Variants in SLC9C2 observed in about 807,000 individuals in gnomAD.
The protein encoded by SLC9C2 is sodium/hydrogen exchanger 11.
SLC9C2 carries 75 observed loss-of-function variants against 140.2 expected under a neutral mutation model. That is an observed-to-expected ratio of 0.53 (90% CI 0.44 to 0.65). The LOEUF is 0.65. SLC9C2 is among the 30% of genes least tolerant of loss of function. The probability of loss-of-function intolerance (pLI) is 0.00; values close to 1 mark genes in which losing one functional copy is unlikely to be tolerated. For missense variants in SLC9C2, 1,074 were observed against 1,331.8 expected (o/e 0.81, Z 3.01); for synonymous variants, 375 against 420.9 (o/e 0.89, Z 1.34).
intron 9 of SLC9C2, among the ~76,000 whole-genome samples, chr1:173,565,657 G>GA: frequency 6.6e-6 from 1 of 151,736 alleles, no homozygotes; most frequent in East Asian, 1.9e-4. Flanking sequence ...CTCCACTTTT[G>GA]TTTTTTTTGC....
chr1:173,600,911 C>G (rs1280860234), intron 2 of SLC9C2, among the ~76,000 whole-genome samples: 1 of 152,138 alleles, frequency 6.6e-6, no homozygotes, highest in African/African-American at 2.4e-5. Flanking sequence ...TATAGTATTC[C>G]TAGTTCCAGA....
intron 23 of SLC9C2, among the ~76,000 whole-genome samples, chr1:173,514,020 G>C (rs1364865737): frequency 2.0e-5 from 3 of 152,212 alleles, no homozygotes; most frequent in African/African-American, 7.2e-5. Flanking sequence ...TGTGGTCTGA[G>C]AGACAGTTTG....
chr1:173,561,433 C>G (rs775618828), intron 9 of SLC9C2, among the ~76,000 whole-genome samples: 5 of 152,174 alleles, frequency 3.3e-5, no homozygotes, highest in Non-Finnish European at 5.9e-5. Context: ...CATAGCTGTA[C>G]AACCAAGACC....
chr1:173,560,819 CAG>C (rs1664056817), intron 9 of SLC9C2, among the ~76,000 whole-genome samples: 1 of 151,914 alleles, frequency 6.6e-6, no homozygotes, highest in Non-Finnish European at 1.5e-5. Context: ...TTTTTTTAGA[CAG>C]AGTCTCACTC....
intron 13 of SLC9C2, among the ~76,000 whole-genome samples, chr1:173,539,444 T>A (rs1294109480): frequency 6.6e-6 from 1 of 152,150 alleles, no homozygotes; most frequent in Non-Finnish European, 1.5e-5. Context: ...GAGGACTGAC[T>A]CCAGCAACCA....
intron 13 of SLC9C2, among the ~76,000 whole-genome samples, chr1:173,547,417 A>T (rs1571528747): frequency 1.3e-5 from 2 of 150,562 alleles, no homozygotes; most frequent in African/African-American, 4.9e-5. Context: ...TCTAGTATGT[A>T]AATAGCACCA....
chr1:173,550,057 T>G, intron 11 of SLC9C2, among the ~76,000 whole-genome samples: 1 of 152,326 alleles, frequency 6.6e-6, no homozygotes, highest in South Asian at 2.1e-4. Context: ...ACTTCACTCA[T>G]GCTGCCTTGT....
At position 173,601,769 on chromosome 1, in the gene SLC9C2, G is replaced by A. The variant is rs1666798925; in HGVS notation, c.8C>T (p.Ser3Phe). The change falls in exon 2 of 28, where the codon TCT (serine) becomes TTT (phenylalanine). Residue 3 changes from serine (S) to phenylalanine (F), a missense_variant. Coordinates refer to ENST00000367714, the MANE Select transcript of SLC9C2 (RefSeq NM_178527.4). MS[S>F]YFWAQNESNR... ...ACTTTCATTTTGTGCCCAGAAGTAAGAACTCATTTTTGCTGCTGCTTTTCC... is the reference window on the plus strand; with the variant it reads ...ACTTTCATTTTGTGCCCAGAAGTAAAAACTCATTTTTGCTGCTGCTTTTCC... 1.2e-6 allele frequency: 2 copies of A among 1,613,676 alleles called. No individual in the cohort carries two copies. The highest frequency in any genetic ancestry group is 1.3e-5 in the African/African-American group (1 of 74,908).
intron 15 of SLC9C2, 26 bp from the exon 16 acceptor site, chr1:173,534,708 A>G (rs1661819292): frequency 7.1e-7 from 1 of 1,402,092 alleles, no homozygotes; most frequent in Non-Finnish European, 9.5e-7. Flanking sequence ...ATAAAATGTT[A>G]GATCACTTAA....
intron 5 of SLC9C2, among the ~76,000 whole-genome samples, chr1:173,585,027 A>G (rs576683387): frequency 3.3e-5 from 5 of 152,330 alleles, no homozygotes; most frequent in African/African-American, 1.2e-4. Flanking sequence ...TGACCCAGAT[A>G]TAACCATTTT....
chr1:173,535,664 A>G (rs1024827460), intron 15 of SLC9C2, among the ~76,000 whole-genome samples, 166 bp downstream of exon 15: 5 of 152,192 alleles, frequency 3.3e-5, no homozygotes, highest in African/African-American at 1.2e-4. Flanking sequence ...ATGTCAATGA[A>G]GTTGCTAAAA....
intron 9 of SLC9C2, among the ~76,000 whole-genome samples, chr1:173,569,275 C>T (rs1332879852): frequency 6.6e-6 from 1 of 151,882 alleles, no homozygotes; most frequent in Admixed American, 6.6e-5. Context: ...TATTAAGAGA[C>T]TCTAATGCAT....
intron 9 of SLC9C2, among the ~76,000 whole-genome samples, chr1:173,563,792 G>A (rs1275809791): frequency 6.6e-6 from 1 of 151,986 alleles, no homozygotes; most frequent in African/African-American, 2.4e-5. Flanking sequence ...CAAATACTAG[G>A]TTTTACTCAT....
At chr1:173,514,061 G>A (rs1433405249) in intron 23 of SLC9C2, among the ~76,000 whole-genome samples, 1 of 152,218 alleles carries the variant, frequency 6.6e-6, no homozygotes, top group Non-Finnish European at 1.5e-5. Flanking sequence ...CATTTGCCAA[G>A]GAGTGTTTTA....
chr1:173,509,507 T>C, intron 24 of SLC9C2, 61 bp downstream of exon 24: 1 of 1,392,726 alleles, frequency 7.2e-7, no homozygotes, highest in Non-Finnish European at 9.5e-7. Context: ...ATGAAATGCA[T>C]TTTGTAAAAA....
intron 4 of SLC9C2, among the ~76,000 whole-genome samples, chr1:173,597,087 ATAAT>A (rs1431200117): frequency 6.6e-6 from 1 of 151,992 alleles, no homozygotes; most frequent in Non-Finnish European, 1.5e-5. Flanking sequence ...CCTACACTCA[ATAAT>A]TAGAGAACAT....
intron 13 of SLC9C2, among the ~76,000 whole-genome samples, chr1:173,538,343 C>T (rs1044100375): frequency 2.6e-5 from 4 of 152,136 alleles, no homozygotes; most frequent in African/African-American, 4.8e-5. Context: ...GCAGTTTTTC[C>T]GGCCCTGCCC....
rs544868398 is a variant in SLC9C2 at position 173,523,028 on chromosome 1, G to C, written c.2640+941C>G. ...CATCTGATAGGCTACTTATTTATGT[G>C]TTTGGTGTGTTTATTGTCTGTCTCC... On this transcript the variant is annotated intron_variant, in intron 21 of 27. Transcript: ENST00000367714. Among the ~76,000 whole-genome samples, 3 of 152,272 alleles carry C rather than the reference G, an allele frequency of 2.0e-5. No individual in the cohort carries two copies. In the East Asian group the frequency reaches 5.8e-4, roughly 29 times the overall value.
At chr1:173,523,878 A>G (rs1661004630) in intron 21 of SLC9C2, 91 bp downstream of exon 21, 3 of 1,507,810 alleles carry the variant, frequency 2.0e-6, no homozygotes, top group South Asian at 1.3e-5. Context: ...CCAGTATGTG[A>G]TATGCTTTTC....
Sources: gnomAD v4.1 joint callset for allele counts (sites outside exome capture counted in the v4.1 genomes callset) on GRCh38, gnomAD v4.1.1 for gene constraint, MANE v1.5 for transcripts, NCBI Gene and HGNC (gene_info 2026-07-23, HGNC 2026-07-21) for gene names.